DNAJC13: variants seen among roughly 807,000 people sequenced by gnomAD.
The protein encoded by DNAJC13 is dnaJ homolog subfamily C member 13.
Under a neutral mutation model 290.5 loss-of-function variants are expected in DNAJC13, and 75 were observed. The observed-to-expected ratio is 0.26, with a 90% CI of 0.21 to 0.31. The LOEUF (loss-of-function observed/expected upper bound fraction) is 0.31. Among genes scored for constraint, DNAJC13 ranks in the 10% least tolerant of loss-of-function variants. DNAJC13 has a pLI of 1.00. For synonymous variants in DNAJC13, 862 were observed against 892.0 expected, an observed-to-expected ratio of 0.97 and a Z score of 0.60; for missense variants, 2,260 against 2,674.5, an observed-to-expected ratio of 0.85 and a Z score of 3.42.
At chr3:132,427,417 G>A (rs926493646) in intron 1 of DNAJC13, among the ~76,000 whole-genome samples, 5 of 152,058 alleles carry the variant, frequency 3.3e-5, no homozygotes, top group Admixed American at 6.6e-5. Context: ...GACTACAGGC[G>A]TGAGCCATCG....
At chr3:132,449,282 G>T (rs1050940691) in intron 5 of DNAJC13, among the ~76,000 whole-genome samples, 17 of 152,094 alleles carry the variant, frequency 1.1e-4, no homozygotes, top group Non-Finnish European at 2.2e-4. Context: ...TTCTTGGTTG[G>T]CCCCTGCAAT....
At chr3:132,496,212 A>T (rs1488570569) in intron 35 of DNAJC13, among the ~76,000 whole-genome samples, 1 of 152,200 alleles carries the variant, frequency 6.6e-6, no homozygotes, top group Non-Finnish European at 1.5e-5. Context: ...CTTAATAAAC[A>T]GTAGCTCATA....
intron 53 of DNAJC13, among the ~76,000 whole-genome samples, chr3:132,527,002 G>A (rs1201729458): frequency 1.3e-5 from 2 of 152,164 alleles, no homozygotes; most frequent in Non-Finnish European, 2.9e-5. Context: ...TTTCTGTTAG[G>A]AAGAATAAGG....
At position 132,511,093 on chromosome 3, in the gene DNAJC13, C is replaced by G. The variant is rs751832631; in HGVS notation, c.5142C>G (p.Leu1714=). The change falls in exon 44 of 56, where the codon CTC becomes CTG. Residue 1714 remains leucine (L), a synonymous_variant. Transcript: ENST00000260818. ...LEVPKAFAAS[L]LDYIGSQAQY... ...TTCCAAAAGCATTTGCTGCAAGTCTCTTGGATTATATAGGCTCGCAGGCCC... is the reference window on the plus strand; with the variant it reads ...TTCCAAAAGCATTTGCTGCAAGTCTGTTGGATTATATAGGCTCGCAGGCCC... 2.5e-6 allele frequency: 4 copies of G among 1,613,762 alleles called. No homozygotes were observed. In the East Asian group the frequency reaches 8.9e-5, roughly 36 times the overall value.
chr3:132,498,116 T>C (rs1162641701), intron 36 of DNAJC13, among the ~76,000 whole-genome samples: 3 of 152,336 alleles, frequency 2.0e-5, no homozygotes, highest in East Asian at 3.9e-4. Context: ...GCTTTCACTT[T>C]TAAATTTGGT....
At chr3:132,514,954 A>C in intron 46 of DNAJC13, 1 of 291,752 alleles carries the variant, frequency 3.4e-6, no homozygotes. Flanking sequence ...AGAATTAACT[A>C]ATATTTCATG....
At chr3:132,478,758 A>AT (rs1212371208) in intron 24 of DNAJC13, among the ~76,000 whole-genome samples, 1 of 152,094 alleles carries the variant, frequency 6.6e-6, no homozygotes, top group Non-Finnish European at 1.5e-5. Flanking sequence ...CTCAAAAAAA[A>AT]TTTTTTTATT....
intron 51 of DNAJC13, among the ~76,000 whole-genome samples, chr3:132,524,988 C>T (rs1023714373): frequency 6.6e-6 from 1 of 152,174 alleles, no homozygotes; most frequent in African/African-American, 2.4e-5. Context: ...CTGACACTAA[C>T]ATACCTGCAA....
rs79722611 is a variant in DNAJC13 at position 132,525,594 on chromosome 3, T to G, written c.6061-16T>G. On this transcript the variant is annotated splice_polypyrimidine_tract_variant and intron_variant, in intron 51 of 55. Transcript: ENST00000260818. ...GAGTATTTTATAGTTGATTTATTTT[T>G]GTTTTACACCTGCAGGGAGAAACTC... 6.2e-7 allele frequency: 1 copy of G among 1,611,204 alleles called. No homozygotes were observed. Among genetic ancestry groups the G allele is most frequent in the Non-Finnish European group, 8.5e-7 (1 of 1,178,874 alleles).
intron 13 of DNAJC13, among the ~76,000 whole-genome samples, 153 bp from the exon 14 acceptor site, chr3:132,460,096 CT>C (rs1933739599): frequency 6.6e-6 from 1 of 152,156 alleles, no homozygotes; most frequent in South Asian, 2.1e-4. Flanking sequence ...CTTCTGCCTG[CT>C]TATCACGAGT....
At chr3:132,421,400 T>C (rs1938954974) in intron 1 of DNAJC13, among the ~76,000 whole-genome samples, 1 of 152,226 alleles carries the variant, frequency 6.6e-6, no homozygotes, top group African/African-American at 2.4e-5. Flanking sequence ...AGTATGATTA[T>C]ACCAAAATAC....
intron 2 of DNAJC13, among the ~76,000 whole-genome samples, chr3:132,439,577 T>C (rs1047332584): frequency 1.3e-5 from 2 of 152,174 alleles, no homozygotes; most frequent in African/African-American, 2.4e-5. Context: ...ATCTCTTACC[T>C]AGAATTGCAA....
intron 1 of DNAJC13, among the ~76,000 whole-genome samples, chr3:132,427,039 CATCT>C: frequency 6.8e-6 from 1 of 148,000 alleles, no homozygotes; most frequent in South Asian, 2.1e-4. Flanking sequence ...TTAAAAATTT[CATCT>C]ATCCTGATTA....
intron 14 of DNAJC13, 34 bp from the exon 15 acceptor site, chr3:132,461,016 T>C: frequency 6.2e-7 from 1 of 1,600,702 alleles, no homozygotes; most frequent in African/African-American, 1.3e-5. Flanking sequence ...CCCCATCTCT[T>C]AAGTCTTTAA....
intron 1 of DNAJC13, among the ~76,000 whole-genome samples, chr3:132,427,458 C>T (rs1466035699): frequency 6.6e-6 from 1 of 151,994 alleles, no homozygotes; most frequent in Non-Finnish European, 1.5e-5. Flanking sequence ...TTTTTAAAAA[C>T]GTTTTATGGG....
Position 132,460,360 on chromosome 3 carries a change from A to T in DNAJC13, c.1557+3A>T. The T allele has an allele frequency of 6.3e-7, 1 of 1,583,444 alleles. No individual in the cohort carries two copies. ...TGGAGAAATTTAATTCCCATGTGGTAAGTTATAATTAAATTTGTCTTCATG... is the reference window on the plus strand; with the variant it reads ...TGGAGAAATTTAATTCCCATGTGGTTAGTTATAATTAAATTTGTCTTCATG... On this transcript the variant is annotated splice_donor_region_variant and intron_variant, in intron 14 of 55. Coordinates refer to ENST00000260818, the MANE Select transcript of DNAJC13 (RefSeq NM_015268.4).
chr3:132,425,167 T>C (rs1052442147), intron 1 of DNAJC13, among the ~76,000 whole-genome samples: 2 of 152,152 alleles, frequency 1.3e-5, no homozygotes, highest in Admixed American at 1.3e-4. Flanking sequence ...TCTATTACTC[T>C]TATTAGTTAT....
intron 51 of DNAJC13, among the ~76,000 whole-genome samples, chr3:132,525,068 C>T (rs747191515): frequency 1.5e-4 from 23 of 152,132 alleles, no homozygotes; most frequent in African/African-American, 2.9e-4. Flanking sequence ...AGGCTGGGCG[C>T]GGTGGCTCAC....
chr3:132,452,324 A>G (rs918121773), intron 6 of DNAJC13, among the ~76,000 whole-genome samples: 1 of 152,234 alleles, frequency 6.6e-6, no homozygotes, highest in African/African-American at 2.4e-5. Context: ...CACTATAAAT[A>G]TGGTACTATA....
Sources: gnomAD v4.1 joint callset for allele counts (sites outside exome capture counted in the v4.1 genomes callset) on GRCh38, gnomAD v4.1.1 for gene constraint, MANE v1.5 for transcripts, NCBI Gene and HGNC (gene_info 2026-07-23, HGNC 2026-07-21) for gene names.